KIAA1217: variants seen among roughly 807,000 people sequenced by gnomAD.
The protein encoded by KIAA1217 is KIAA1217, also known as sickle tail protein homolog.
KIAA1217 carries 88 observed loss-of-function variants against 163.9 expected under a neutral mutation model. The observed-to-expected ratio is 0.54, with a 90% confidence interval of 0.45 to 0.64. KIAA1217 has a LOEUF of 0.64. Ranked by LOEUF, KIAA1217 falls within the 30% of genes least tolerant of loss-of-function variation. The pLI is 0.00. For missense variants in KIAA1217, 2,372 were observed against 2,475.0 expected (o/e 0.96, Z 0.88); for synonymous variants, 903 against 923.1 (o/e 0.98, Z 0.39).
intron 2 of KIAA1217, among the ~76,000 whole-genome samples, chr10:24,248,670 C>CAAAAAAAAAA (rs929995548): frequency 2.7e-5 from 1 of 36,458 alleles, no homozygotes; most frequent in African/African-American, 1.1e-4. Flanking sequence ...GACTCCATCT[C>CAAAAAAAAAA]AAAAAAAAAA....
intron 1 of KIAA1217, among the ~76,000 whole-genome samples, chr10:24,001,508 C>T (rs1438698802): frequency 6.6e-6 from 1 of 152,198 alleles, no homozygotes. Flanking sequence ...TGAGCCTTTA[C>T]TGTATACCAG....
At chr10:24,468,284 A>G (rs2063158093) in intron 5 of KIAA1217, among the ~76,000 whole-genome samples, 1 of 152,120 alleles carries the variant, frequency 6.6e-6, no homozygotes, top group Non-Finnish European at 1.5e-5. Context: ...TCTGATCGTA[A>G]GGGTTCATTC....
intron 1 of KIAA1217, among the ~76,000 whole-genome samples, chr10:23,732,414 G>T (rs1838527151): frequency 6.6e-6 from 1 of 151,992 alleles, no homozygotes; most frequent in Non-Finnish European, 1.5e-5. Context: ...AAAAATCAAT[G>T]GTTTTAAATT....
At chr10:24,495,290 C>T (rs912757915) in intron 8 of KIAA1217, 94 bp downstream of exon 8, 20 of 991,298 alleles carry the variant, frequency 2.0e-5, no homozygotes, top group Admixed American at 6.9e-5. Flanking sequence ...CCCTAAGTCA[C>T]GTATTTGGTA....
rs371028907 is a variant in KIAA1217, at chr10:24,472,795, A to G, written c.847-433A>G. Among the ~76,000 whole-genome samples, 4 of 152,122 alleles carry G rather than the reference A, an allele frequency of 2.6e-5. 1 individual carries two copies. In the East Asian group the frequency reaches 7.7e-4, roughly 29 times the overall value. ...AAGTCCTTAATGGATTTTGCACATC[A>G]ATATCAATGTGTCGGCAGGGTCATC... is the stretch of plus-strand genomic sequence containing the variant. On this transcript the variant is annotated intron_variant, in intron 5 of 20. Transcript: ENST00000376454.
At chr10:24,186,449 C>A (rs2066432563) in intron 2 of KIAA1217, among the ~76,000 whole-genome samples, 1 of 152,142 alleles carries the variant, frequency 6.6e-6, no homozygotes, top group Non-Finnish European at 1.5e-5. Flanking sequence ...GCCTATATTT[C>A]CATGTGTCAA....
intron 2 of KIAA1217, among the ~76,000 whole-genome samples, chr10:24,091,348 C>T (rs1290558526): frequency 6.6e-6 from 1 of 151,890 alleles, no homozygotes; most frequent in African/African-American, 2.4e-5. Flanking sequence ...TTTTCTTATT[C>T]TGTCTTTATG....
At chr10:23,957,267 C>T (rs1844609124) in intron 1 of KIAA1217, among the ~76,000 whole-genome samples, 1 of 152,208 alleles carries the variant, frequency 6.6e-6, no homozygotes, top group Non-Finnish European at 1.5e-5. Flanking sequence ...TCTCCAGTGT[C>T]ACTTGCTGTC....
At chr10:23,968,448 CT>C (rs1322400893) in intron 1 of KIAA1217, among the ~76,000 whole-genome samples, 3 of 152,102 alleles carry the variant, frequency 2.0e-5, no homozygotes, top group African/African-American at 7.2e-5. Flanking sequence ...GTGCTGTCTT[CT>C]TTTTTGTGGT....
At position 24,490,804 on chromosome 10, in the gene KIAA1217, C is replaced by G. The variant is rs1327282335; in HGVS notation, c.1680-3696C>G. Among the ~76,000 whole-genome samples the G allele has an allele frequency of 2.0e-5, 3 of 152,292 alleles. No homozygotes were observed. In the East Asian group the frequency reaches 5.8e-4, roughly 29 times the overall value. On this transcript the variant is annotated intron_variant, in intron 6 of 20. Coordinates refer to ENST00000376454, the MANE Select transcript of KIAA1217 (RefSeq NM_019590.5). Reference sequence around the variant, plus strand: ...AGGGGGGATGTCAGATGAGAAGCCACCTGACTCAGTATCTCTGATGCAGCG... The same window carrying G: ...AGGGGGGATGTCAGATGAGAAGCCAGCTGACTCAGTATCTCTGATGCAGCG...
chr10:23,818,348 A>C (rs1348919118), intron 1 of KIAA1217, among the ~76,000 whole-genome samples: 1 of 127,228 alleles, frequency 7.9e-6, no homozygotes, highest in Non-Finnish European at 1.6e-5. Flanking sequence ...ATATATATAA[A>C]AAAATATATA....
chr10:24,224,663 A>G (rs899221004), intron 2 of KIAA1217, among the ~76,000 whole-genome samples: 1 of 151,960 alleles, frequency 6.6e-6, no homozygotes, highest in Non-Finnish European at 1.5e-5. Context: ...TCGTTTGTCA[A>G]AGGAAAATAG....
At chr10:24,015,984 A>G (rs1317647476) in intron 2 of KIAA1217, among the ~76,000 whole-genome samples, 1 of 151,954 alleles carries the variant, frequency 6.6e-6, no homozygotes, top group African/African-American at 2.4e-5. Context: ...TGTTCAGTTT[A>G]TTTCTTAACA....
At chr10:23,794,241 G>T (rs1218464737) in intron 1 of KIAA1217, among the ~76,000 whole-genome samples, 1 of 152,156 alleles carries the variant, frequency 6.6e-6, no homozygotes, top group African/African-American at 2.4e-5. Flanking sequence ...TGATTTCACT[G>T]ATATCACTAA....
rs7906637 is a variant in KIAA1217 at position 24,304,657 on chromosome 10, G to A, written c.355-76212G>A. Among the ~76,000 whole-genome samples the A allele has an allele frequency of 4.6e-3, 704 of 152,132 alleles. 4 individuals carry two copies. The highest frequency in any genetic ancestry group is 0.016 in the African/African-American group (653 of 41,484). On this transcript the variant is annotated intron_variant, in intron 2 of 20. Transcript: ENST00000376454. Reference sequence around the variant, plus strand: ...CCTTGGGGTTTTATTATTTGCCTTCGAGCCCCTTCAGACAGTTCTTCTTGG... The same window carrying A: ...CCTTGGGGTTTTATTATTTGCCTTCAAGCCCCTTCAGACAGTTCTTCTTGG...
chr10:24,349,401 G>A (rs1375574842), intron 2 of KIAA1217, among the ~76,000 whole-genome samples: 1 of 152,154 alleles, frequency 6.6e-6, no homozygotes, highest in African/African-American at 2.4e-5. Context: ...GCAAAGCAAA[G>A]GTATTTGTTG....
chr10:23,701,000 T>C (rs1457319803), intron 1 of KIAA1217, among the ~76,000 whole-genome samples: 1 of 152,198 alleles, frequency 6.6e-6, no homozygotes, highest in Non-Finnish European at 1.5e-5. Context: ...CTGTAAATAT[T>C]TCTTGAATAA....
chr10:24,521,974 C>A, intron 12 of KIAA1217, 45 bp downstream of exon 12: 1 of 1,580,024 alleles, frequency 6.3e-7, no homozygotes, highest in Non-Finnish European at 8.6e-7. Context: ...CGGAGGGGTG[C>A]ACTGGGAAAC....
chr10:24,181,616 T>C (rs1300890651), intron 2 of KIAA1217, among the ~76,000 whole-genome samples: 3 of 152,194 alleles, frequency 2.0e-5, no homozygotes, highest in Non-Finnish European at 4.4e-5. Flanking sequence ...ATTTCAGTTC[T>C]AGAAGGTAAC....
Sources: gnomAD v4.1 joint callset for allele counts (sites outside exome capture counted in the v4.1 genomes callset) on GRCh38, gnomAD v4.1.1 for gene constraint, MANE v1.5 for transcripts, NCBI Gene and HGNC (gene_info 2026-07-23, HGNC 2026-07-21) for gene names.